Variants in ECT2 observed in about 807,000 individuals in gnomAD.
The protein encoded by ECT2 is protein ECT2.
Under a neutral mutation model 116.9 loss-of-function variants are expected in ECT2, and 61 were observed. The ratio of observed to expected loss-of-function variants is 0.52; its 90% CI spans 0.42 to 0.65. ECT2 has a LOEUF of 0.65. ECT2 is among the 30% of genes least tolerant of loss of function. The pLI is 0.00. For missense variants in ECT2, 937 were observed against 1,078.7 expected (o/e 0.87, Z 1.84); for synonymous variants, 358 against 346.4 (o/e 1.03, Z -0.37).
chr3:172,805,563 CAT>C (rs1727527663), intron 20 of ECT2, among the ~76,000 whole-genome samples, 166 bp from the exon 21 acceptor site: 1 of 152,122 alleles, frequency 6.6e-6, no homozygotes, highest in African/African-American at 2.4e-5. Flanking sequence ...TATACAATTA[CAT>C]GTTTGACTTT....
intron 1 of ECT2, chr3:172,752,276 C>G (rs1274110845): frequency 6.6e-6 from 1 of 151,994 alleles, no homozygotes; most frequent in African/African-American, 2.4e-5. Flanking sequence ...ATTACAGGTG[C>G]CTGCCACCAA....
Position 172,799,323 on chromosome 3 carries a change from C to G in ECT2, c.1908-3293C>G, listed in dbSNP as rs149433240. Among the ~76,000 whole-genome samples the G allele has an allele frequency of 1.9e-3, 291 of 152,248 alleles. 1 individual carries two copies. Among genetic ancestry groups the G allele is most frequent in the African/African-American group, 6.8e-3 (284 of 41,566 alleles). Reference sequence around the variant, plus strand: ...CCACATAAAAAGTTCACCAAAATATCTTATGCTTTAATCAGAGACATTCAA... The same window carrying G: ...CCACATAAAAAGTTCACCAAAATATGTTATGCTTTAATCAGAGACATTCAA... On this transcript the variant is annotated intron_variant, in intron 18 of 24. Transcript: ENST00000392692.
In ECT2 at chr3:172,758,254, G is replaced by A. The variant is rs75344837; in HGVS notation, c.487-726G>A. 8.2e-3 allele frequency among the ~76,000 whole-genome samples: 1,251 copies of A among 152,206 alleles called. 15 individuals carry two copies. Among genetic ancestry groups the A allele is most frequent in the South Asian group, 0.045 (219 of 4,824 alleles). On this transcript the variant is annotated intron_variant, in intron 5 of 24. Coordinates refer to ENST00000392692, the MANE Select transcript of ECT2 (RefSeq NM_001258315.2). ...GTCTTGGCATTCTTAAGCTTGCCTT[G>A]TTTACTTAAAATTGCTTAGGTCTTT...
At position 172,784,831 on chromosome 3, in the gene ECT2, A is replaced by G. The variant is rs73880278; in HGVS notation, c.1825+28A>G. 0.013 allele frequency: 16,684 copies of G among 1,293,100 alleles called. 1,652 individuals are homozygous for G. The African/African-American group carries it at 0.21, about 17-fold the overall frequency. 80.1% of individuals were successfully genotyped at this position (1,293,100 alleles called of 1,614,324 possible). ...ACTTGTCTGATCTGTTTCAAACTAC[A>G]TCAGATATTTTAATGGAATTGTTTT... On this transcript the variant is annotated intron_variant, in intron 17 of 24. Transcript: ENST00000392692.
intron 24 of ECT2, chr3:172,818,568 A>C (rs1373999589): frequency 1.6e-6 from 2 of 1,281,422 alleles, no homozygotes; most frequent in African/African-American, 3.1e-5. Context: ...CTGTTTCCAC[A>C]AGCAATGTAA....
chr3:172,813,950 A>G (rs1729239822), intron 22 of ECT2, among the ~76,000 whole-genome samples: 2 of 152,182 alleles, frequency 1.3e-5, no homozygotes, highest in Admixed American at 6.5e-5. Flanking sequence ...GAAATATACC[A>G]AAGTGTAGAT....
intron 18 of ECT2, among the ~76,000 whole-genome samples, chr3:172,791,329 A>G (rs1724619406): frequency 6.6e-6 from 1 of 152,196 alleles, no homozygotes; most frequent in Non-Finnish European, 1.5e-5. Flanking sequence ...GCCCCTAACG[A>G]AAGAGTCAGC....
intron 18 of ECT2, among the ~76,000 whole-genome samples, chr3:172,787,094 A>G (rs947603726): frequency 1.3e-5 from 2 of 152,310 alleles, no homozygotes; most frequent in African/African-American, 4.8e-5. Flanking sequence ...GCTGCTTACT[A>G]TAGGTCTAAC....
intron 12 of ECT2, among the ~76,000 whole-genome samples, chr3:172,766,835 C>T (rs1719487217): frequency 6.6e-6 from 1 of 152,100 alleles, no homozygotes; most frequent in African/African-American, 2.4e-5. Flanking sequence ...TCATAATGGA[C>T]AATAGCATGG....
intron 12 of ECT2, among the ~76,000 whole-genome samples, chr3:172,766,899 CAA>C (rs75421233): frequency 0.1 from 15,787 of 152,168 alleles, 1,041 homozygotes; most frequent in Non-Finnish European, 0.15. Flanking sequence ...TTTTAGGAGA[CAA>C]GAGAACAAAA....
At chr3:172,798,861 C>T (rs1726213130) in intron 18 of ECT2, among the ~76,000 whole-genome samples, 1 of 152,152 alleles carries the variant, frequency 6.6e-6, no homozygotes, top group African/African-American at 2.4e-5. Context: ...AAGGCTTTGA[C>T]TGAAATGTCA....
chr3:172,804,223 T>C (rs1727261566), intron 20 of ECT2, among the ~76,000 whole-genome samples: 2 of 152,202 alleles, frequency 1.3e-5, no homozygotes, highest in Admixed American at 1.3e-4. Flanking sequence ...TACAAGGGAA[T>C]CTTAAAGAGC....
chr3:172,752,314 G>T (rs1716033948), intron 1 of ECT2: 1 of 152,006 alleles, frequency 6.6e-6, no homozygotes, highest in Non-Finnish European at 1.5e-5. Flanking sequence ...ATTTTTAGTA[G>T]AGACGGGGTT....
At chr3:172,760,469 A>T (rs897837571) in intron 7 of ECT2, among the ~76,000 whole-genome samples, 5 of 151,204 alleles carry the variant, frequency 3.3e-5, no homozygotes, top group Non-Finnish European at 7.4e-5. Context: ...TTAAATAGAG[A>T]TGGGGTGTTG....
chr3:172,795,178 C>G (rs1019014143), intron 18 of ECT2, among the ~76,000 whole-genome samples: 3 of 151,796 alleles, frequency 2.0e-5, no homozygotes, highest in Admixed American at 2.0e-4. Context: ...CAAAAATTAG[C>G]CAGGCATGGT....
In ECT2 at chr3:172,798,741, T is replaced by C. The variant is rs536553511; in HGVS notation, c.1908-3875T>C. Among the ~76,000 whole-genome samples the C allele has an allele frequency of 1.3e-5, 2 of 152,296 alleles. 1 individual carries two copies. Among genetic ancestry groups the C allele is most frequent in the African/African-American group, 4.8e-5 (2 of 41,560 alleles). ...TTTTTCTATTTGATTCCTCCACAAT[T>C]TGAAAACTTTTTGAGCATTCTTTTA... On this transcript the variant is annotated intron_variant, in intron 18 of 24. Transcript: ENST00000392692.
At chr3:172,779,280 TTTTC>T (rs1439517716) in intron 14 of ECT2, among the ~76,000 whole-genome samples, 7 of 152,156 alleles carry the variant, frequency 4.6e-5, no homozygotes, top group African/African-American at 7.2e-5. Flanking sequence ...TTTATAATAT[TTTTC>T]TTTCTTTTTT....
At chr3:172,770,991 T>TCATAG (rs1720519903) in intron 13 of ECT2, among the ~76,000 whole-genome samples, 5 of 152,180 alleles carry the variant, frequency 3.3e-5, no homozygotes, top group Non-Finnish European at 7.3e-5. Flanking sequence ...GAATTTTCTG[T>TCATAG]GTGTTGTGCA....
chr3:172,826,644 C>T, the ECT2 span, among the ~76,000 whole-genome samples: 3 of 152,192 alleles, frequency 2.0e-5, no homozygotes, highest in Non-Finnish European at 4.4e-5. Context: ...ACAGAGAAAT[C>T]TTTCATGAGA....
Sources: allele counts gnomAD v4.1 joint callset (sites outside exome capture counted in the v4.1 genomes callset), GRCh38; gene constraint gnomAD v4.1.1; transcripts MANE v1.5; gene names NCBI Gene and HGNC (gene_info 2026-07-23, HGNC 2026-07-21).